Variants in EIF3I observed in about 807,000 individuals in gnomAD.
EIF3I encodes eukaryotic translation initiation factor 3 subunit I, also known as TGF-beta receptor-interacting protein 1.
A neutral mutation model predicts 43.3 loss-of-function variants in EIF3I; 20 were observed. The observed-to-expected ratio is 0.46, with a 90% CI of 0.32 to 0.67. The LOEUF is 0.67. EIF3I is among the 30% of genes least tolerant of loss of function. The pLI is 0.03. For synonymous variants in EIF3I, 167 were observed against 151.7 expected (o/e 1.10, Z -0.74); for missense variants, 279 against 421.4 (o/e 0.66, Z 2.96).
At chr1:32,225,882 A>G (rs1233667493) in intron 4 of EIF3I, among the ~76,000 whole-genome samples, 3 of 151,738 alleles carry the variant, frequency 2.0e-5, no homozygotes, top group Non-Finnish European at 1.5e-5. Context: ...TTAGCGGGGC[A>G]TGGTGGCAGG....
chr1:32,224,004 G>T (rs760880821), intron 2 of EIF3I, 30 bp from the exon 3 acceptor site: 22 of 1,608,418 alleles, frequency 1.4e-5, no homozygotes, highest in Non-Finnish European at 1.8e-5. Context: ...TTACTGGGAT[G>T]TGTACTATCC....
chr1:32,227,609 CA>C (rs1249966917), intron 6 of EIF3I, among the ~76,000 whole-genome samples: 2 of 150,800 alleles, frequency 1.3e-5, no homozygotes, highest in South Asian at 2.1e-4. Context: ...CCTGTCTCTA[CA>C]AAAAAAAATT....
chr1:32,226,644 G>A, intron 6 of EIF3I, 114 bp downstream of exon 6: 2 of 1,153,790 alleles, frequency 1.7e-6, no homozygotes, highest in Non-Finnish European at 2.2e-6. Context: ...TCGGCTCACT[G>A]CGACCTCCAC....
intron 6 of EIF3I, among the ~76,000 whole-genome samples, chr1:32,227,641 G>A (rs1639168224): frequency 6.6e-6 from 1 of 152,024 alleles, no homozygotes; most frequent in Admixed American, 6.6e-5. Context: ...TGGGTGTGGT[G>A]GAGTGTGCCT....
chr1:32,224,374 G>A (rs568173582), intron 3 of EIF3I, 36 bp from the exon 4 acceptor site: 9 of 1,587,126 alleles, frequency 5.7e-6, no homozygotes, highest in African/African-American at 2.7e-5. Context: ...ACAAGGGCTC[G>A]GGTGAACTTC....
intron 4 of EIF3I, 102 bp downstream of exon 4, chr1:32,224,577 GT>G: frequency 1.2e-6 from 1 of 812,130 alleles, no homozygotes; most frequent in Admixed American, 2.1e-5. Flanking sequence ...TCCATAGATA[GT>G]TTCCAGTCTA....
rs1273762045 is a variant in EIF3I at position 32,231,105 on chromosome 1, C to T, written c.1008-10C>T. On this transcript the variant is annotated splice_polypyrimidine_tract_variant and intron_variant, in intron 11 of 11. Transcript: ENST00000676679. ...AAGCACCTGACTGGTGCCTGGCTAT[C>T]TTTTTCCAGCTACAGCAGCGGCGGC... is the stretch of plus-strand genomic sequence containing the variant. 6.2e-7 allele frequency: 1 copy of T among 1,613,400 alleles called. No individual in the cohort carries two copies. Among genetic ancestry groups the T allele is most frequent in the African/African-American group, 1.3e-5 (1 of 74,896 alleles).
At chr1:32,227,557 G>C (rs1013851964) in intron 6 of EIF3I, among the ~76,000 whole-genome samples, 1 of 152,064 alleles carries the variant, frequency 6.6e-6, no homozygotes, top group African/African-American at 2.4e-5. Context: ...AGGATTGCTT[G>C]AGACCCGGAG....
downstream of EIF3I, among the ~76,000 whole-genome samples, chr1:32,233,856 G>T (rs992864420): frequency 2.0e-5 from 3 of 152,148 alleles, no homozygotes; most frequent in Non-Finnish European, 4.4e-5. Flanking sequence ...GACAGAGTAG[G>T]TCTGTCTAAA....
At chr1:32,228,177 C>T (rs891638620) in intron 6 of EIF3I, among the ~76,000 whole-genome samples, 11 of 152,200 alleles carry the variant, frequency 7.2e-5, no homozygotes, top group African/African-American at 2.2e-4. Flanking sequence ...AGATTTTAAA[C>T]GTCCTTCAGT....
downstream of EIF3I, among the ~76,000 whole-genome samples, chr1:32,235,818 C>T (rs559586030): frequency 1.3e-5 from 2 of 152,186 alleles, no homozygotes; most frequent in Non-Finnish European, 2.9e-5. Flanking sequence ...CCCTGGGGAG[C>T]CCCGGTCTGA....
chr1:32,224,643 C>G (rs1021009581), intron 4 of EIF3I, among the ~76,000 whole-genome samples, 168 bp downstream of exon 4: 1 of 149,980 alleles, frequency 6.7e-6, no homozygotes, highest in Admixed American at 6.6e-5. Flanking sequence ...GTAGAGGAAG[C>G]ATAGATTAAG....
chr1:32,226,308 C>A, exon 5 of EIF3I: 1 of 1,614,102 alleles, frequency 6.2e-7, no homozygotes, highest in Non-Finnish European at 8.5e-7. Flanking sequence ...CCTGCGGGAT[C>A]CGAGCCAGAT....
intron 4 of EIF3I, among the ~76,000 whole-genome samples, chr1:32,225,303 A>G (rs1219322789): frequency 2.0e-5 from 3 of 152,216 alleles, no homozygotes; most frequent in Non-Finnish European, 1.5e-5. Flanking sequence ...TGCCAGGTCT[A>G]TGCTGGGTAC....
chr1:32,229,547 CTTTT>C (rs1199129615), intron 9 of EIF3I, among the ~76,000 whole-genome samples: 6 of 104,484 alleles, frequency 5.7e-5, no homozygotes, highest in Non-Finnish European at 1.2e-4. Context: ...CGTGCCCAGC[CTTTT>C]TTTTTTTTTT....
At chr1:32,224,334 G>A (rs1639105916) in intron 3 of EIF3I, 76 bp from the exon 4 acceptor site, 1 of 1,319,154 alleles carries the variant, frequency 7.6e-7, no homozygotes. Context: ...GGGCTGAACA[G>A]GGAGATGATT....
intron 9 of EIF3I, among the ~76,000 whole-genome samples, chr1:32,230,230 A>G (rs1639214845): frequency 6.8e-6 from 1 of 147,076 alleles, no homozygotes; most frequent in African/African-American, 2.5e-5. Context: ...TCTTATCTCA[A>G]TTTTTCTGCT....
At chr1:32,234,389 C>T (rs1351099950), downstream of EIF3I, 1 of 152,410 alleles carries the variant, frequency 6.6e-6, no homozygotes, top group Non-Finnish European at 1.5e-5. Context: ...TACCTCAACA[C>T]CCCCTCAGCT....
chr1:32,228,668 C>T lies in EIF3I; in HGVS notation c.639+59C>T, dbSNP rs1166781082. On this transcript the variant is annotated intron_variant, in intron 7 of 11. Coordinates refer to ENST00000676679, the Ensembl canonical transcript of EIF3I. ...CCTCCCTCCGGCTGCACAGCTCACCCTGCCCGACTTCCCCCAGGAAAGCTC... is the reference window on the plus strand; with the variant it reads ...CCTCCCTCCGGCTGCACAGCTCACCTTGCCCGACTTCCCCCAGGAAAGCTC... 4.4e-6 allele frequency: 7 copies of T among 1,604,984 alleles called. No homozygotes were observed. The African/African-American group carries it at 9.4e-5, about 21-fold the overall frequency.
Sources: gnomAD v4.1 joint callset for allele counts (sites outside exome capture counted in the v4.1 genomes callset) on GRCh38, gnomAD v4.1.1 for gene constraint, MANE v1.5 for transcripts, NCBI Gene and HGNC (gene_info 2026-07-23, HGNC 2026-07-21) for gene names.